Variants in TMEM232 observed in about 807,000 individuals in gnomAD.
TMEM232 encodes the protein transmembrane protein 232.
TMEM232 carries 80 observed loss-of-function variants against 78.8 expected under a neutral mutation model. The ratio of observed to expected loss-of-function variants is 1.01; its 90% CI spans 0.85 to 1.22. TMEM232 has a LOEUF of 1.22. TMEM232 is among the 50% of genes most tolerant of loss of function. The probability of loss-of-function intolerance (pLI) is 0.00; values close to 1 mark genes in which losing one functional copy is unlikely to be tolerated. For missense variants in TMEM232, 881 were observed against 742.2 expected, an observed-to-expected ratio of 1.19 and a Z score of -2.17; for synonymous variants, 297 against 254.3, an observed-to-expected ratio of 1.17 and a Z score of -1.60.
At chr5:110,671,622 T>C (rs1580604012) in intron 1 of TMEM232, among the ~76,000 whole-genome samples, 1 of 152,228 alleles carries the variant, frequency 6.6e-6, no homozygotes, top group East Asian at 1.9e-4. Context: ...CTGGAAACCA[T>C]CATTCTCAGC....
At chr5:110,687,331 G>T (rs1793542453) in intron 1 of TMEM232, among the ~76,000 whole-genome samples, 1 of 152,054 alleles carries the variant, frequency 6.6e-6, no homozygotes, top group Admixed American at 6.6e-5. Flanking sequence ...CATATATTCA[G>T]GGCAACTTGA....
rs1554097433 is a variant in TMEM232, at chr5:110,520,050, T to TAGAGAG, written c.1703+8532_1703+8537dup. ...TTATATATTTATGTATATATATATA[T>TAGAGAG]AGAGAGAGAGAGAGAGAGGATTAGG... On this transcript the variant is annotated intron_variant, in intron 12 of 13. Coordinates refer to ENST00000455884, the MANE Select transcript of TMEM232 (RefSeq NM_001039763.4). 3.0e-3 allele frequency among the ~76,000 whole-genome samples: 441 copies of TAGAGAG among 147,252 alleles called. 2 individuals carry two copies. The highest frequency in any genetic ancestry group is 0.012 in the South Asian group (55 of 4,610).
chr5:110,661,937 A>C (rs555246657), intron 2 of TMEM232, among the ~76,000 whole-genome samples: 1 of 152,130 alleles, frequency 6.6e-6, no homozygotes, highest in African/African-American at 2.4e-5. Context: ...GGCCATTTGT[A>C]TGTCTTTTTT....
At chr5:110,554,014 T>C (rs1489693313) in intron 11 of TMEM232, among the ~76,000 whole-genome samples, 2 of 152,180 alleles carry the variant, frequency 1.3e-5, no homozygotes, top group Non-Finnish European at 2.9e-5. Context: ...TGAATCACAT[T>C]TATTGTTTTG....
chr5:110,611,431 G>T (rs941397709), intron 8 of TMEM232, among the ~76,000 whole-genome samples: 5 of 152,152 alleles, frequency 3.3e-5, no homozygotes, highest in African/African-American at 1.2e-4. Context: ...AGGGAAGCTG[G>T]TGTGGGAGAG....
At chr5:110,485,723 T>C (rs921680348) in intron 12 of TMEM232, among the ~76,000 whole-genome samples, 2 of 152,166 alleles carry the variant, frequency 1.3e-5, no homozygotes, top group Non-Finnish European at 2.9e-5. Flanking sequence ...TGATGGGCAC[T>C]TGGGTTGGTT....
At chr5:110,667,431 A>C in intron 1 of TMEM232, 67 bp from the exon 2 acceptor site, 1 of 1,259,744 alleles carries the variant, frequency 7.9e-7, no homozygotes, top group East Asian at 2.9e-5. Context: ...CATGTTATGC[A>C]AATTCATTAT....
At chr5:110,564,452 C>T (rs189456120) in intron 11 of TMEM232, among the ~76,000 whole-genome samples, 34 of 151,920 alleles carry the variant, frequency 2.2e-4, no homozygotes, top group African/African-American at 7.5e-4. Flanking sequence ...GCTAGAAAAA[C>T]CAAGAAGCTG....
intron 12 of TMEM232, among the ~76,000 whole-genome samples, chr5:110,491,353 TATAC>T (rs1025049547): frequency 3.9e-5 from 6 of 152,044 alleles, no homozygotes; most frequent in Non-Finnish European, 5.9e-5. Flanking sequence ...TAATTGGAAT[TATAC>T]ATTGCTGATG....
chr5:110,460,365 T>TAAAC (rs1761383679), intron 12 of TMEM232, among the ~76,000 whole-genome samples: 2 of 152,024 alleles, frequency 1.3e-5, no homozygotes, highest in African/African-American at 4.8e-5. Context: ...AGGCAATATG[T>TAAAC]AAACATTTGT....
At chr5:110,738,844 A>C, upstream of TMEM232, 1 of 661,792 alleles carries the variant, frequency 1.5e-6, no homozygotes, top group Non-Finnish European at 2.4e-6. Flanking sequence ...TGTTTCATTA[A>C]TCCCACAACC....
At chr5:110,628,654 C>A (rs1381022255) in intron 5 of TMEM232, among the ~76,000 whole-genome samples, 2 of 144,394 alleles carry the variant, frequency 1.4e-5, no homozygotes, top group Non-Finnish European at 3.0e-5. Context: ...CAATAGCTGT[C>A]AGTATCCAGT....
At chr5:110,431,967 A>C (rs1757906623) in intron 12 of TMEM232, among the ~76,000 whole-genome samples, 1 of 151,756 alleles carries the variant, frequency 6.6e-6, no homozygotes, top group South Asian at 2.1e-4. Flanking sequence ...TCAAGGGATA[A>C]ATTTTGGTAG....
At chr5:110,464,648 T>C (rs896087133) in intron 12 of TMEM232, among the ~76,000 whole-genome samples, 2 of 152,158 alleles carry the variant, frequency 1.3e-5, no homozygotes, top group Admixed American at 1.3e-4. Flanking sequence ...ACGAGGGAAA[T>C]TTGACACCAC....
At position 110,656,064 on chromosome 5, in the gene TMEM232, AAC is replaced by A. The variant is rs539505378; in HGVS notation, c.125+11162_125+11163del. Among the ~76,000 whole-genome samples the A allele has an allele frequency of 2.0e-3, 306 of 152,152 alleles. 2 individuals carry two copies. Among genetic ancestry groups the A allele is most frequent in the African/African-American group, 6.9e-3 (288 of 41,458 alleles). On this transcript the variant is annotated intron_variant, in intron 2 of 13. Transcript: ENST00000455884. Reference sequence around the variant, plus strand: ...AAAACTTAAAGTATAATAAAAAAAAAACAATACTTTAATTGGCTGAGGTTAGA... The same window carrying A: ...AAAACTTAAAGTATAATAAAAAAAAAAATACTTTAATTGGCTGAGGTTAGA...
chr5:110,634,054 A>G (rs1580441225), intron 5 of TMEM232, among the ~76,000 whole-genome samples: 2 of 152,158 alleles, frequency 1.3e-5, no homozygotes, highest in East Asian at 1.9e-4. Context: ...CTATCCTTCT[A>G]TTGGATAAAA....
At chr5:110,705,153 T>C (rs1266393156) in intron 1 of TMEM232, among the ~76,000 whole-genome samples, 1 of 152,154 alleles carries the variant, frequency 6.6e-6, no homozygotes, top group Non-Finnish European at 1.5e-5. Context: ...GTTGTCAACC[T>C]GTACCCAAAC....
chr5:110,552,070 A>C (rs549499387), intron 11 of TMEM232, among the ~76,000 whole-genome samples: 64 of 152,288 alleles, frequency 4.2e-4, no homozygotes, highest in African/African-American at 1.5e-3. Flanking sequence ...GATAATAACA[A>C]AATATATTTT....
intron 12 of TMEM232, among the ~76,000 whole-genome samples, chr5:110,518,798 C>T (rs1769064686): frequency 6.6e-6 from 1 of 151,864 alleles, no homozygotes; most frequent in South Asian, 2.1e-4. Flanking sequence ...TAGACAAATG[C>T]CAAGGAAGAA....
Sources: allele counts gnomAD v4.1 joint callset (sites outside exome capture counted in the v4.1 genomes callset), GRCh38; gene constraint gnomAD v4.1.1; transcripts MANE v1.5; gene names NCBI Gene and HGNC (gene_info 2026-07-23, HGNC 2026-07-21).